The following NCAM1 variants were observed in gnomAD, a reference collection of about 807,000 sequenced individuals.
NCAM1 encodes the protein neural cell adhesion molecule 1.
A neutral mutation model predicts 109.8 loss-of-function variants in NCAM1; 14 were observed. The observed-to-expected ratio is 0.13, with a 90% CI of 0.08 to 0.20. The LOEUF is 0.20. Ranked by LOEUF, NCAM1 falls within the 10% of genes least tolerant of loss-of-function variation. The pLI is 1.00. For missense variants in NCAM1, 774 were observed against 1,109.9 expected (o/e 0.70, Z 4.30); for synonymous variants, 418 against 442.9 (o/e 0.94, Z 0.70).
chr11:113,096,075 C>A (rs1939583102), intron 1 of NCAM1, among the ~76,000 whole-genome samples: 1 of 152,092 alleles, frequency 6.6e-6, no homozygotes, highest in Non-Finnish European at 1.5e-5. Flanking sequence ...GGTCTGTAAG[C>A]AAGACTTGGC....
intron 1 of NCAM1, among the ~76,000 whole-genome samples, chr11:113,055,990 T>C (rs1352378842): frequency 3.3e-5 from 2 of 60,370 alleles, no homozygotes; most frequent in African/African-American, 1.2e-4. Flanking sequence ...TATATATATA[T>C]ATATATATAT....
intron 3 of NCAM1, among the ~76,000 whole-genome samples, chr11:113,204,812 C>A (rs1001039969): frequency 6.6e-6 from 1 of 152,206 alleles, no homozygotes; most frequent in Admixed American, 6.5e-5. Flanking sequence ...GGGCTCCTCT[C>A]CCTTCTTATT....
At position 113,271,772 on chromosome 11, in the gene NCAM1, C is replaced by A. The variant is rs1555125402; in HGVS notation, c.2352C>A (p.Ser784=). The change falls in exon 19 of 20, where the codon TCC becomes TCA. Residue 784 remains serine, a synonymous_variant. Coordinates refer to ENST00000316851, the MANE Select transcript of NCAM1 (RefSeq NM_181351.5). ...ACTGTCTCCACAGGAAAGATGAGTC[C>A]AAGGAGCCCATCGTGGAGGTTCGAA... The part of the protein sequence containing the change: ...EGKAAFSKDE[S]KEPIVEVRTE... 4 of 1,558,000 alleles carry A rather than the reference C, an allele frequency of 2.6e-6. No individual in the cohort carries two copies. Among genetic ancestry groups the A allele is most frequent in the Non-Finnish European group, 3.5e-6 (4 of 1,150,774 alleles).
intron 1 of NCAM1, among the ~76,000 whole-genome samples, chr11:112,971,509 G>A (rs1361789349): frequency 6.6e-6 from 1 of 152,080 alleles, no homozygotes; most frequent in Non-Finnish European, 1.5e-5. Flanking sequence ...GTTAACGACA[G>A]GGTGTGAAAA....
chr11:113,240,693 G>C (rs2137365220), intron 14 of NCAM1: 3 of 1,189,464 alleles, frequency 2.5e-6, no homozygotes, highest in South Asian at 1.2e-5. Context: ...TCCTCATACT[G>C]ATGCCCCAGG....
intron 1 of NCAM1, among the ~76,000 whole-genome samples, chr11:113,151,850 T>G (rs1555102512): frequency 6.6e-6 from 1 of 152,108 alleles, no homozygotes; most frequent in African/African-American, 2.4e-5. Context: ...AGCTTACCAA[T>G]CCACTGGGCT....
At chr11:113,259,974 G>C in intron 16 of NCAM1, 172 bp from the exon 17 acceptor site, 1 of 568,662 alleles carries the variant, frequency 1.8e-6, no homozygotes, top group Non-Finnish European at 3.0e-6. Flanking sequence ...AAGGTGGCTA[G>C]GATTATAGGC....
At chr11:113,050,573 T>C (rs1953442762) in intron 1 of NCAM1, among the ~76,000 whole-genome samples, 1 of 152,180 alleles carries the variant, frequency 6.6e-6, no homozygotes, top group Non-Finnish European at 1.5e-5. Context: ...GCTGTTTTGG[T>C]TACTATAGCC....
chr11:113,025,654 G>A (rs146162607), intron 1 of NCAM1, among the ~76,000 whole-genome samples: 1,825 of 151,816 alleles, frequency 0.012, 33 homozygotes, highest in African/African-American at 0.042. Context: ...GGAGGCAGAG[G>A]CTGCAGTGAG....
chr11:113,069,246 C>T (rs1555084800), intron 1 of NCAM1, among the ~76,000 whole-genome samples: 1 of 152,030 alleles, frequency 6.6e-6, no homozygotes, highest in African/African-American at 2.4e-5. Flanking sequence ...AGAAAAGTCT[C>T]CAAGGTAGAG....
Position 113,178,154 on chromosome 11 carries a change from A to G in NCAM1, c.53-24225A>G, listed in dbSNP as rs558284861. Among the ~76,000 whole-genome samples, 112 of 152,316 alleles carry G rather than the reference A, an allele frequency of 7.4e-4. 1 individual carries two copies. The highest frequency in any genetic ancestry group is 1.4e-3 in the Non-Finnish European group (97 of 68,028). ...AATTTCCTACTTTCTTCTTTGCCCC[A>G]TTCTCCGGGTGCTTCCATTTTAGAA... On this transcript the variant is annotated intron_variant, in intron 1 of 19. Transcript: ENST00000316851.
intron 8 of NCAM1, among the ~76,000 whole-genome samples, chr11:113,216,745 G>C (rs552844670): frequency 1.3e-5 from 2 of 152,256 alleles, no homozygotes; most frequent in East Asian, 3.9e-4. Flanking sequence ...ACACCAGACT[G>C]ACATATTTGC....
At chr11:113,128,219 C>A (rs79495900) in intron 1 of NCAM1, among the ~76,000 whole-genome samples, 7 of 152,160 alleles carry the variant, frequency 4.6e-5, no homozygotes, top group Non-Finnish European at 8.8e-5. Flanking sequence ...TCGGGCCTTG[C>A]GTGCATCACA....
chr11:113,272,791 C>T, intron 19 of NCAM1: 2 of 400,130 alleles, frequency 5.0e-6, no homozygotes, highest in South Asian at 3.7e-5. Context: ...CCTTCTCTCT[C>T]TGTGGGCCTG....
intron 1 of NCAM1, among the ~76,000 whole-genome samples, chr11:113,088,930 G>A (rs1274033003): frequency 6.6e-6 from 1 of 152,166 alleles, no homozygotes; most frequent in Non-Finnish European, 1.5e-5. Context: ...ATTGGCAACA[G>A]TATGCGTTAA....
intron 1 of NCAM1, among the ~76,000 whole-genome samples, chr11:113,007,520 G>A (rs543913173): frequency 4.6e-5 from 7 of 152,244 alleles, no homozygotes; most frequent in East Asian, 1.9e-4. Flanking sequence ...GCTAAGGGAC[G>A]TGCACAAGGT....
At chr11:113,079,951 G>A (rs1463633168) in intron 1 of NCAM1, among the ~76,000 whole-genome samples, 2 of 152,144 alleles carry the variant, frequency 1.3e-5, no homozygotes, top group Non-Finnish European at 2.9e-5. Flanking sequence ...GTGCACAAAG[G>A]TATCTGTAAG....
At chr11:113,247,463 C>T (rs1945532044) in intron 15 of NCAM1, among the ~76,000 whole-genome samples, 1 of 152,282 alleles carries the variant, frequency 6.6e-6, no homozygotes, top group Non-Finnish European at 1.5e-5. Flanking sequence ...TCTCGCATGT[C>T]CTTTGTTCCC....
At chr11:113,100,023 T>C (rs1939800153) in intron 1 of NCAM1, among the ~76,000 whole-genome samples, 1 of 152,204 alleles carries the variant, frequency 6.6e-6, no homozygotes, top group Non-Finnish European at 1.5e-5. Context: ...CAAAGGCTGT[T>C]TGAAGTCCTG....
Sources: gnomAD v4.1 joint callset for allele counts (sites outside exome capture counted in the v4.1 genomes callset) on GRCh38, gnomAD v4.1.1 for gene constraint, MANE v1.5 for transcripts, NCBI Gene and HGNC (gene_info 2026-07-23, HGNC 2026-07-21) for gene names.